ANK3: variants seen among roughly 807,000 people sequenced by gnomAD.
ANK3 encodes the protein ankyrin 3.
ANK3 carries 57 observed loss-of-function variants against 370.9 expected under a neutral mutation model. The ratio of observed to expected loss-of-function variants is 0.15; its 90% CI spans 0.12 to 0.19. The LOEUF (loss-of-function observed/expected upper bound fraction) is 0.19. Ranked by LOEUF, ANK3 falls within the 10% of genes least tolerant of loss-of-function variation. The pLI is 1.00. For synonymous variants in ANK3, 1,929 were observed against 1,946.3 expected, an observed-to-expected ratio of 0.99 and a Z score of 0.23; for missense variants, 4,439 against 5,302.1, an observed-to-expected ratio of 0.84 and a Z score of 5.06.
intron 2 of ANK3, among the ~76,000 whole-genome samples, chr10:60,395,655 TTTC>T (rs1398814248): frequency 1.3e-5 from 2 of 151,682 alleles, no homozygotes; most frequent in East Asian, 3.9e-4. Context: ...TCTCTCTTTC[TTTC>T]TTTCTTTTGT....
At chr10:60,447,678 T>G (rs939260619) in intron 2 of ANK3, among the ~76,000 whole-genome samples, 1 of 152,174 alleles carries the variant, frequency 6.6e-6, no homozygotes, top group African/African-American at 2.4e-5. Flanking sequence ...TTCCTGACCT[T>G]TATACCAAAC....
chr10:60,039,098 C>A (rs1448242910), intron 43 of ANK3, among the ~76,000 whole-genome samples: 7 of 152,228 alleles, frequency 4.6e-5, no homozygotes, highest in Non-Finnish European at 1.0e-4. Context: ...TCCAGAAAGA[C>A]AGGGACCATG....
At chr10:60,087,630 AT>A (rs2087046992) in intron 29 of ANK3, among the ~76,000 whole-genome samples, 1 of 152,204 alleles carries the variant, frequency 6.6e-6, no homozygotes, top group African/African-American at 2.4e-5. Flanking sequence ...ACTTTAGTTC[AT>A]TTTCCTTATT....
At chr10:60,632,902 A>AC (rs1478449773) in intron 1 of ANK3, among the ~76,000 whole-genome samples, 1 of 83,262 alleles carries the variant, frequency 1.2e-5, no homozygotes, top group Non-Finnish European at 2.8e-5. Flanking sequence ...AAAATAAAAA[A>AC]CAAAAAAAAA....
At chr10:60,518,378 C>G (rs1169828706) in intron 2 of ANK3, among the ~76,000 whole-genome samples, 1 of 152,090 alleles carries the variant, frequency 6.6e-6, no homozygotes, top group Non-Finnish European at 1.5e-5. Flanking sequence ...CCACAAGCCC[C>G]CTAACGTTAC....
chr10:60,189,013 G>A (rs142747035), intron 16 of ANK3, among the ~76,000 whole-genome samples: 32 of 152,264 alleles, frequency 2.1e-4, no homozygotes, highest in African/African-American at 7.7e-4. Flanking sequence ...AGTGGTAAAG[G>A]CAAGATAAAC....
chr10:60,306,504 C>T (rs935777913), intron 1 of ANK3, among the ~76,000 whole-genome samples: 3 of 151,136 alleles, frequency 2.0e-5, no homozygotes, highest in African/African-American at 7.3e-5. Flanking sequence ...GGTTCCATAT[C>T]TTTGCAATTG....
At position 60,694,916 on chromosome 10, in the gene ANK3, A is replaced by G. The variant is rs1275074758; in HGVS notation, c.57+38347T>C. 8.0e-5 allele frequency among the ~76,000 whole-genome samples: 12 copies of G among 149,100 alleles called. No individual in the cohort carries two copies. In the East Asian group the frequency reaches 2.2e-3, roughly 27 times the overall value. ...ATAACAATATTAACTTTAAATGTAA[A>G]TGGACTAAATGCTCCAATTAAAAGA... On this transcript the variant is annotated intron_variant, in intron 1 of 43. Transcript: ENST00000373827.
chr10:60,352,620 T>G (rs944990307), intron 1 of ANK3, among the ~76,000 whole-genome samples: 2 of 152,158 alleles, frequency 1.3e-5, no homozygotes, highest in Non-Finnish European at 2.9e-5. Context: ...CTTCCTATGA[T>G]GTTCTTCAGA....
chr10:60,675,540 T>C (rs912724363), intron 1 of ANK3, among the ~76,000 whole-genome samples: 3 of 152,262 alleles, frequency 2.0e-5, no homozygotes, highest in Non-Finnish European at 2.9e-5. Context: ...CTAAGTTCTA[T>C]AGCATGCACA....
rs189170008 is a variant in ANK3, at chr10:60,594,433, C to T, written c.96+20753G>A. Among the ~76,000 whole-genome samples the T allele has an allele frequency of 2.2e-4, 33 of 152,298 alleles. No individual in the cohort carries two copies. The East Asian group carries it at 6.4e-3, about 29-fold the overall frequency. Reference sequence around the variant, plus strand: ...ATTTTTCAGTTAAAGACCTTATGAACTTCTTCGAAAAATCTGGATTATAGC... The same window carrying T: ...ATTTTTCAGTTAAAGACCTTATGAATTTCTTCGAAAAATCTGGATTATAGC... On this transcript the variant is annotated intron_variant, in intron 2 of 43. Coordinates refer to the ANK3 transcript ENST00000373827.
At chr10:60,722,612 G>C (rs1172150181) in intron 1 of ANK3, among the ~76,000 whole-genome samples, 2 of 152,094 alleles carry the variant, frequency 1.3e-5, no homozygotes, top group African/African-American at 4.8e-5. Context: ...ATATGGTTTG[G>C]ATGTTTGTCC....
At chr10:60,243,765 G>T (rs1592345281) in intron 7 of ANK3, among the ~76,000 whole-genome samples, 1 of 152,176 alleles carries the variant, frequency 6.6e-6, no homozygotes, top group African/African-American at 2.4e-5. Flanking sequence ...AGGATATTAT[G>T]AAATAATTTG....
In ANK3 at chr10:60,551,904, C is replaced by T. The variant is rs545670027; in HGVS notation, c.96+63282G>A. 1.4e-3 allele frequency among the ~76,000 whole-genome samples: 214 copies of T among 152,294 alleles called. 1 individual carries two copies. Among genetic ancestry groups the T allele is most frequent in the Non-Finnish European group, 2.5e-3 (172 of 68,020 alleles). Reference sequence around the variant, plus strand: ...GCCTTGTTTCACATGTAACATCAACCTCTGTGCCATCAATATGGGAGATGA... The same window carrying T: ...GCCTTGTTTCACATGTAACATCAACTTCTGTGCCATCAATATGGGAGATGA... On this transcript the variant is annotated intron_variant, in intron 2 of 43. Coordinates refer to the ANK3 transcript ENST00000373827.
Position 60,203,563 on chromosome 10 carries a change from C to T in ANK3, c.1294-463G>A, listed in dbSNP as rs993548991. Among the ~76,000 whole-genome samples, 24 of 152,224 alleles carry T rather than the reference C, an allele frequency of 1.6e-4. No individual in the cohort carries two copies. In the South Asian group the frequency reaches 2.3e-3, roughly 14 times the overall value. Reference sequence around the variant, plus strand: ...CCCATTTATGTCACATATAAAAGAGCAGGGTACCTAACACAAAGCTGTTTC... The same window carrying T: ...CCCATTTATGTCACATATAAAAGAGTAGGGTACCTAACACAAAGCTGTTTC... On this transcript the variant is annotated intron_variant, in intron 11 of 43. Coordinates refer to ENST00000280772, the MANE Select transcript of ANK3 (RefSeq NM_020987.5).
chr10:60,390,872 C>T (rs576159038), upstream of ANK3, among the ~76,000 whole-genome samples: 18 of 151,740 alleles, frequency 1.2e-4, no homozygotes, highest in African/African-American at 2.4e-4. Flanking sequence ...ATAACTTTGG[C>T]GGTCGGTGCA....
intron 1 of ANK3, among the ~76,000 whole-genome samples, chr10:60,683,101 A>G (rs2079218509): frequency 6.6e-6 from 1 of 152,086 alleles, no homozygotes; most frequent in African/African-American, 2.4e-5. Flanking sequence ...TTGGTATATG[A>G]GGAAAAACCC....
intron 1 of ANK3, among the ~76,000 whole-genome samples, chr10:60,295,971 G>A (rs1009564518): frequency 2.0e-5 from 3 of 152,148 alleles, no homozygotes; most frequent in Admixed American, 2.0e-4. Context: ...GGGTACTCTA[G>A]AAGGGTCTCA....
At chr10:60,550,659 A>C (rs2133231769) in intron 2 of ANK3, among the ~76,000 whole-genome samples, 1 of 152,270 alleles carries the variant, frequency 6.6e-6, no homozygotes, top group African/African-American at 2.4e-5. Context: ...ACATTAAAAA[A>C]TAAATGATAT....
Sources: allele counts gnomAD v4.1 joint callset (sites outside exome capture counted in the v4.1 genomes callset), GRCh38; gene constraint gnomAD v4.1.1; transcripts MANE v1.5; gene names NCBI Gene and HGNC (gene_info 2026-07-23, HGNC 2026-07-21).